TMEM217: variants seen among roughly 807,000 people sequenced by gnomAD.
The protein encoded by TMEM217 is chromosome 6 open reading frame 128.
For synonymous variants in TMEM217, 76 were observed against 88.3 expected (o/e 0.86, Z 0.78); for missense variants, 204 against 248.8 (o/e 0.82, Z 1.21).
chr6:37,213,778 G>C (rs372639845), downstream of TMEM217, among the ~76,000 whole-genome samples: 37 of 152,312 alleles, frequency 2.4e-4, no homozygotes, highest in Middle Eastern at 3.4e-3. Flanking sequence ...GGCCTACAGC[G>C]CAAACGTTCC....
At chr6:37,258,003 G>A in exon 1 of TMEM217, 4 of 1,611,520 alleles carry the variant, frequency 2.5e-6, no homozygotes, top group African/African-American at 1.3e-5. Context: ...AGGGATAGGG[G>A]ATTGGACCAA....
At chr6:37,223,119 G>A (rs896074358) in intron 1 of TMEM217, among the ~76,000 whole-genome samples, 3 of 151,852 alleles carry the variant, frequency 2.0e-5, no homozygotes, top group African/African-American at 7.3e-5. Flanking sequence ...AAATATGAAG[G>A]AGAAGTTAAG....
At position 37,228,733 on chromosome 6, in the gene TMEM217, C is replaced by T. The variant is rs182164564; in HGVS notation, c.-11-9692G>A. ...ATAATAATAGCTGGGCGCAGTGGCT[C>T]ACGCCTATAATCCCAGCACTTTGGG... On this transcript the variant is annotated intron_variant, in intron 1 of 1. Transcript: ENST00000357219. Among the ~76,000 whole-genome samples, 8 of 151,562 alleles carry T rather than the reference C, an allele frequency of 5.3e-5. No individual in the cohort carries two copies. The East Asian group carries it at 1.4e-3, about 26-fold the overall frequency.
chr6:37,234,673 T>A (rs1342307824), intron 1 of TMEM217, among the ~76,000 whole-genome samples: 1 of 152,000 alleles, frequency 6.6e-6, no homozygotes, highest in Admixed American at 6.6e-5. Flanking sequence ...GAGGCAGAGG[T>A]TGCACTGAGC....
intron 1 of TMEM217, among the ~76,000 whole-genome samples, chr6:37,254,457 A>G (rs1373693199): frequency 6.6e-6 from 1 of 152,210 alleles, no homozygotes; most frequent in Non-Finnish European, 1.5e-5. Flanking sequence ...CATTCCAGGT[A>G]CAGGCACATT....
intron 1 of TMEM217, among the ~76,000 whole-genome samples, chr6:37,255,837 C>T (rs1765691375): frequency 6.6e-6 from 1 of 152,196 alleles, no homozygotes; most frequent in South Asian, 2.1e-4. Context: ...AAAAAGGTTC[C>T]AACAATCTCA....
At chr6:37,249,309 T>A (rs1338818611) in intron 1 of TMEM217, among the ~76,000 whole-genome samples, 1 of 152,078 alleles carries the variant, frequency 6.6e-6, no homozygotes, top group Non-Finnish European at 1.5e-5. Context: ...TTCATTCTTC[T>A]TCTTCTTCTT....
At chr6:37,251,249 C>A (rs773753012) in intron 1 of TMEM217, among the ~76,000 whole-genome samples, 24 of 152,154 alleles carry the variant, frequency 1.6e-4, no homozygotes, top group Non-Finnish European at 2.5e-4. Flanking sequence ...TTGAGGGAGG[C>A]ACATCTCACA....
At chr6:37,226,877 T>C (rs952284422) in intron 1 of TMEM217, among the ~76,000 whole-genome samples, 1 of 152,258 alleles carries the variant, frequency 6.6e-6, no homozygotes, top group African/African-American at 2.4e-5. Context: ...AAGATCACCA[T>C]TCTCTTACAA....
chr6:37,252,678 C>T (rs761359564), intron 1 of TMEM217, among the ~76,000 whole-genome samples: 2 of 137,772 alleles, frequency 1.5e-5, no homozygotes, highest in Non-Finnish European at 1.5e-5. Flanking sequence ...CTCACTCTGT[C>T]ACCCAGGCTG....
chr6:37,232,518 G>T (rs1764259391), intron 1 of TMEM217, among the ~76,000 whole-genome samples: 1 of 152,040 alleles, frequency 6.6e-6, no homozygotes, highest in African/African-American at 2.4e-5. Context: ...CCTGACAATA[G>T]TTTTATACCC....
exon 1 of TMEM217, chr6:37,258,064 G>A (rs1041861810): frequency 9.0e-6 from 13 of 1,441,686 alleles, no homozygotes; most frequent in Admixed American, 2.2e-5. Flanking sequence ...GCGCCACAGA[G>A]GCCAGAAGAC....
At chr6:37,254,339 C>T (rs188133230) in intron 1 of TMEM217, among the ~76,000 whole-genome samples, 1 of 152,182 alleles carries the variant, frequency 6.6e-6, no homozygotes, top group Non-Finnish European at 1.5e-5. Flanking sequence ...AACCTCAAAC[C>T]AATGATTTAC....
At chr6:37,243,464 A>C (rs1475683097) in intron 1 of TMEM217, among the ~76,000 whole-genome samples, 1 of 152,222 alleles carries the variant, frequency 6.6e-6, no homozygotes, top group African/African-American at 2.4e-5. Flanking sequence ...CCTGCTACAC[A>C]GACAAAACCA....
chr6:37,258,042 C>G, exon 1 of TMEM217: 1 of 1,552,778 alleles, frequency 6.4e-7, no homozygotes, highest in Non-Finnish European at 8.7e-7. Context: ...CCCTGAATCC[C>G]GCGGGCCTGG....
At chr6:37,257,765 G>A in exon 1 of TMEM217, 1 of 776,980 alleles carries the variant, frequency 1.3e-6, no homozygotes, top group Non-Finnish European at 2.1e-6. Flanking sequence ...TGGGTGGAGG[G>A]GTGCCCACAT....
intron 1 of TMEM217, among the ~76,000 whole-genome samples, chr6:37,241,747 T>C (rs1583476684): frequency 1.3e-5 from 2 of 152,232 alleles, no homozygotes; most frequent in East Asian, 3.8e-4. Context: ...ATTTTGTATA[T>C]ATATAAGCTT....
intron 1 of TMEM217, among the ~76,000 whole-genome samples, chr6:37,236,560 CA>C (rs1191276469): frequency 6.6e-6 from 1 of 152,000 alleles, no homozygotes; most frequent in Non-Finnish European, 1.5e-5. Context: ...CGCAAATTTG[CA>C]AGTCAAATGC....
chr6:37,214,788 C>T (rs1054641968), downstream of TMEM217, among the ~76,000 whole-genome samples: 2 of 152,198 alleles, frequency 1.3e-5, no homozygotes, highest in Non-Finnish European at 2.9e-5. Flanking sequence ...CCCTGTGTGA[C>T]TCCAGATACA....
Sources: allele counts gnomAD v4.1 joint callset (sites outside exome capture counted in the v4.1 genomes callset), GRCh38; gene constraint gnomAD v4.1.1; transcripts MANE v1.5; gene names NCBI Gene and HGNC (gene_info 2026-07-23, HGNC 2026-07-21).